The following PCBP3 variants were observed in gnomAD, a reference collection of about 807,000 sequenced individuals.
The protein encoded by PCBP3 is poly(rC)-binding protein 3.
In PCBP3, 25 loss-of-function variants were observed where a neutral mutation model predicts 52.7. The ratio of observed to expected loss-of-function variants is 0.47; its 90% CI spans 0.35 to 0.66. The LOEUF is 0.66. Among genes scored for constraint, PCBP3 ranks in the 30% least tolerant of loss-of-function variants. The pLI, the probability that PCBP3 is intolerant of heterozygous loss-of-function variation, is 0.01. For missense variants in PCBP3, 391 were observed against 490.3 expected (o/e 0.80, Z 1.91); for synonymous variants, 162 against 183.0 (o/e 0.89, Z 0.93).
chr21:45,827,345 C>T lies in PCBP3; in HGVS notation c.-125-22616C>T, dbSNP rs142197843. ...AAAGAAGATCTGGACATGATCATCACGTCACATCACATGGCCAGGTTTCAA... is the reference window on the plus strand; with the variant it reads ...AAAGAAGATCTGGACATGATCATCATGTCACATCACATGGCCAGGTTTCAA... On this transcript the variant is annotated intron_variant, in intron 4 of 17. Transcript: ENST00000681687. This position sits in a 1 kb window ranked among gnomAD's most constrained non-coding sequence, Gnocchi z 4.3. Among the ~76,000 whole-genome samples, 694 of 152,268 alleles carry T rather than the reference C, an allele frequency of 4.6e-3. 3 individuals carry two copies. Among genetic ancestry groups the T allele is most frequent in the Middle Eastern group, 0.01 (3 of 294 alleles).
chr21:45,886,325 G>A (rs1426039865), intron 5 of PCBP3, among the ~76,000 whole-genome samples: 2 of 104,970 alleles, frequency 1.9e-5, no homozygotes, highest in Non-Finnish European at 3.7e-5. Flanking sequence ...CCTCATTGCC[G>A]CTGGTGCCAA....
At position 45,736,945 on chromosome 21, in the gene PCBP3, C is replaced by T. The variant is rs555590078; in HGVS notation, c.-162+1516C>T. 6.6e-6 allele frequency among the ~76,000 whole-genome samples: 1 copy of T among 152,022 alleles called. No individual in the cohort carries two copies. Among genetic ancestry groups the T allele is most frequent in the Non-Finnish European group, 1.5e-5 (1 of 67,978 alleles). ...GTGCTGTGTGAATAGGCCGTCAGGT[C>T]AGCCCTGAGACACGGGGCATCTGCG... is the stretch of plus-strand genomic sequence containing the variant. On this transcript the variant is annotated intron_variant, in intron 3 of 17. Transcript: ENST00000681687. The surrounding 1 kb of genome is among the most constrained non-coding windows in gnomAD (Gnocchi z 4.6).
intron 4 of PCBP3, among the ~76,000 whole-genome samples, chr21:45,840,178 C>T (rs1214801521): frequency 6.6e-6 from 1 of 151,660 alleles, no homozygotes; most frequent in Non-Finnish European, 1.5e-5. Flanking sequence ...GTAGGCTGGG[C>T]ACGGTGGCTC....
In PCBP3 at chr21:45,724,975, C is replaced by T. The variant is rs371038994; in HGVS notation, c.-199-10417C>T. Among the ~76,000 whole-genome samples, 5 of 152,130 alleles carry T rather than the reference C, an allele frequency of 3.3e-5. No homozygotes were observed. The highest frequency in any genetic ancestry group is 2.1e-4 in the South Asian group (1 of 4,820). On this transcript the variant is annotated intron_variant, in intron 2 of 17. Transcript: ENST00000681687. This position sits in a 1 kb window ranked among gnomAD's most constrained non-coding sequence, Gnocchi z 5.3. ...ATAGCTCAAATAAACTGTTGTGAGC[C>T]GTTAAGTATGGCAGTTTGTATCATG...
chr21:45,929,235 G>A (rs891106698), intron 13 of PCBP3, among the ~76,000 whole-genome samples: 2 of 152,194 alleles, frequency 1.3e-5, no homozygotes, highest in Admixed American at 6.5e-5. Flanking sequence ...GGACACAGGC[G>A]GCTCCCAGCT....
Position 45,802,687 on chromosome 21 carries a change from G to A in PCBP3, c.-126+47235G>A, listed in dbSNP as rs550052646. Among the ~76,000 whole-genome samples the A allele has an allele frequency of 6.6e-6, 1 of 152,258 alleles. No homozygotes were observed. Among genetic ancestry groups the A allele is most frequent in the East Asian group, 1.9e-4 (1 of 5,154 alleles). On this transcript the variant is annotated intron_variant, in intron 4 of 17. Coordinates refer to ENST00000681687, the MANE Select transcript of PCBP3 (RefSeq NM_001384156.1). The surrounding 1 kb of genome is among the most constrained non-coding windows in gnomAD (Gnocchi z 5.1). ...TTTGGGATGTTCCTCTCCTTCATGG[G>A]GAGGAGAGGCCCTGAGGGAGGCAGG...
At chr21:45,795,657 C>T (rs1270594911) in intron 4 of PCBP3, among the ~76,000 whole-genome samples, 1 of 152,100 alleles carries the variant, frequency 6.6e-6, no homozygotes, top group Non-Finnish European at 1.5e-5. Context: ...AATGAATGAA[C>T]TGGCCATATG....
At chr21:45,663,143 A>G (rs2080524947) in intron 1 of PCBP3, among the ~76,000 whole-genome samples, 2 of 133,742 alleles carry the variant, frequency 1.5e-5, no homozygotes, top group Admixed American at 7.8e-5. Flanking sequence ...ATATGCAGAA[A>G]TAATGGCGTA....
chr21:45,646,103 C>CTCTCTCTCTCTTTCTCTCTCTCTA (rs2079275846), intron 1 of PCBP3, among the ~76,000 whole-genome samples: 1 of 76,936 alleles, frequency 1.3e-5, no homozygotes, highest in African/African-American at 4.0e-5. Flanking sequence ...CTCTCTCTCT[C>CTCTCTCTCTCTTTCTCTCTCTCTA]TCTCTGTGTG....
intron 4 of PCBP3, among the ~76,000 whole-genome samples, chr21:45,785,147 A>C (rs902346164): frequency 1.6e-4 from 23 of 145,900 alleles, no homozygotes; most frequent in Admixed American, 2.7e-4. Flanking sequence ...CTGCCTGGCA[A>C]CCGCCCTGTC....
rs553368753 is a variant in PCBP3, at chr21:45,928,083, T to G, written c.718-1834T>G. 1.1e-3 allele frequency among the ~76,000 whole-genome samples: 169 copies of G among 152,336 alleles called. No individual in the cohort carries two copies. Among genetic ancestry groups the G allele is most frequent in the African/African-American group, 3.8e-3 (159 of 41,588 alleles). On this transcript the variant is annotated intron_variant, in intron 13 of 17. Coordinates refer to ENST00000681687, the MANE Select transcript of PCBP3 (RefSeq NM_001384156.1). This position sits in a 1 kb window ranked among gnomAD's most constrained non-coding sequence, Gnocchi z 4.1. ...GGGACACTTGCGGTCTTTCCTGACGTGCCCCGTCCAGGTGGGGCGCCTTCA... is the reference window on the plus strand; with the variant it reads ...GGGACACTTGCGGTCTTTCCTGACGGGCCCCGTCCAGGTGGGGCGCCTTCA...
chr21:45,835,822 G>A lies in PCBP3; in HGVS notation c.-125-14139G>A, dbSNP rs77198796. 4.9e-3 allele frequency among the ~76,000 whole-genome samples: 739 copies of A among 152,220 alleles called. 4 individuals are homozygous for A. Among genetic ancestry groups the A allele is most frequent in the African/African-American group, 0.017 (688 of 41,536 alleles). On this transcript the variant is annotated intron_variant, in intron 4 of 17. Transcript: ENST00000681687. ...GGGCCCAGGGTCTTGAGCTTGACCCGCAGGAGGTCTGGGCCTTATGCCCTG... is the reference window on the plus strand; with the variant it reads ...GGGCCCAGGGTCTTGAGCTTGACCCACAGGAGGTCTGGGCCTTATGCCCTG...
chr21:45,699,029 A>G (rs2082952301), intron 2 of PCBP3, among the ~76,000 whole-genome samples: 1 of 152,222 alleles, frequency 6.6e-6, no homozygotes, highest in Non-Finnish European at 1.5e-5. Context: ...GAGCTGTGCT[A>G]TTTAAAGACC....
intron 5 of PCBP3, among the ~76,000 whole-genome samples, chr21:45,860,980 G>T (rs929575256): frequency 1.3e-4 from 20 of 152,152 alleles, no homozygotes; most frequent in African/African-American, 4.3e-4. Flanking sequence ...ACCTCCCCTC[G>T]CCCTCACTGG....
intron 2 of PCBP3, among the ~76,000 whole-genome samples, chr21:45,686,161 G>T (rs1028304122): frequency 1.3e-5 from 2 of 151,908 alleles, no homozygotes; most frequent in African/African-American, 4.8e-5. Context: ...CAAGTGATTC[G>T]CCTGCCTTGG....
chr21:45,913,967 C>T lies in PCBP3; in HGVS notation c.617C>T (p.Ala206Val). Residue 206 changes from alanine (A) to valine (V), a missense_variant, in exon 12 of 18, where the codon GCC (alanine) becomes GTC (valine). Coordinates refer to ENST00000681687, the MANE Select transcript of PCBP3 (RefSeq NM_001384156.1). ...VVMLESPPKGATIPYRPKPAS... is the reference protein window; with the variant it reads ...VVMLESPPKGVTIPYRPKPAS... ...TTTTCCTAGTCCCCACCGAAAGGTG[C>T]CACCATTCCCTACCGCCCAAAGCCC... The T allele has an allele frequency of 6.2e-7, 1 of 1,612,752 alleles. No individual in the cohort carries two copies.
intron 1 of PCBP3, among the ~76,000 whole-genome samples, chr21:45,655,194 T>C (rs2079936842): frequency 6.6e-6 from 1 of 152,158 alleles, no homozygotes; most frequent in Non-Finnish European, 1.5e-5. Context: ...TATGAATATA[T>C]GTTTTCACTT....
rs1271436944 is a variant in PCBP3 at position 45,829,865 on chromosome 21, T to G, written c.-125-20096T>G. Reference sequence around the variant, plus strand: ...CCAGGAAGATGCAGCTCTAGGGCAGTGCAGGCATGTTCTTCAAGTGGGCCC... The same window carrying G: ...CCAGGAAGATGCAGCTCTAGGGCAGGGCAGGCATGTTCTTCAAGTGGGCCC... On this transcript the variant is annotated intron_variant, in intron 4 of 17. Transcript: ENST00000681687. This position sits in a 1 kb window ranked among gnomAD's most constrained non-coding sequence, Gnocchi z 5.2. 1 of 152,658 alleles carries G rather than the reference T, an allele frequency of 6.6e-6. No individual in the cohort carries two copies. Among genetic ancestry groups the G allele is most frequent in the African/African-American group, 2.4e-5 (1 of 41,462 alleles). 9.5% of individuals were successfully genotyped at this position (152,658 alleles called of 1,614,324 possible). A position where few individuals can be genotyped will look rare whatever the true frequency, so the allele number is the denominator to read the frequency against.
In PCBP3 at chr21:45,746,029, A is replaced by AGC. The variant is rs1339453556; in HGVS notation, c.-161-9387_-161-9386dup. 3.1e-4 allele frequency among the ~76,000 whole-genome samples: 43 copies of AGC among 139,982 alleles called. 6 individuals carry two copies. The highest frequency in any genetic ancestry group is 8.7e-3 in the Middle Eastern group (2 of 230). The allele number at this position is 139,982 out of a possible 152,430, so 91.8% of individuals were successfully genotyped here. A position where few individuals can be genotyped will look rare whatever the true frequency, so the allele number is the denominator to read the frequency against. ...AGCATCGCTGTCAGTCCATTGACGT[A>AGC]GCACACACGGTGTTGTGTCAGCATC... On this transcript the variant is annotated intron_variant, in intron 3 of 17. Coordinates refer to ENST00000681687, the MANE Select transcript of PCBP3 (RefSeq NM_001384156.1).
Sources: gnomAD v4.1 joint callset for allele counts (sites outside exome capture counted in the v4.1 genomes callset) on GRCh38, gnomAD v4.1.1 for gene constraint, Gnocchi (gnomAD v3.1) non-coding constraint, MANE v1.5 for transcripts, NCBI Gene and HGNC (gene_info 2026-07-23, HGNC 2026-07-21) for gene names.